The following SOX6 variants were observed in gnomAD, a reference collection of about 807,000 sequenced individuals.
The protein encoded by SOX6 is SRY-box transcription factor 6.
Under a neutral mutation model 97.8 loss-of-function variants are expected in SOX6, and 11 were observed. The ratio of observed to expected loss-of-function variants is 0.11; its 90% CI spans 0.07 to 0.19. SOX6 has a LOEUF of 0.19. SOX6 is among the 10% of genes least tolerant of loss of function. The pLI, the probability that SOX6 is intolerant of heterozygous loss-of-function variation, is 1.00. For synonymous variants in SOX6, 360 were observed against 371.4 expected, an observed-to-expected ratio of 0.97 and a Z score of 0.35; for missense variants, 810 against 1,039.5, an observed-to-expected ratio of 0.78 and a Z score of 3.04.
chr11:16,615,037 A>T (rs1848454663), intron 3 of SOX6, among the ~76,000 whole-genome samples: 1 of 152,220 alleles, frequency 6.6e-6, no homozygotes, highest in Admixed American at 6.5e-5. Context: ...AAGAAGCAAC[A>T]GGCCCCCAAG....
At chr11:16,229,619 A>G (rs549809411) in intron 4 of SOX6, among the ~76,000 whole-genome samples, 6 of 152,064 alleles carry the variant, frequency 3.9e-5, no homozygotes, top group Admixed American at 2.0e-4. Flanking sequence ...AAGAACTAAA[A>G]ATAAAATATG....
chr11:16,082,587 G>C (rs1435763434), intron 9 of SOX6, among the ~76,000 whole-genome samples: 1 of 152,042 alleles, frequency 6.6e-6, no homozygotes, highest in East Asian at 1.9e-4. Context: ...AAACAGTTTT[G>C]TTTATTCAGC....
chr11:16,591,218 A>C (rs1404093040), intron 4 of SOX6, among the ~76,000 whole-genome samples: 1 of 152,094 alleles, frequency 6.6e-6, no homozygotes, highest in Non-Finnish European at 1.5e-5. Context: ...TCCAAACCTG[A>C]GAATAAAACT....
intron 3 of SOX6, among the ~76,000 whole-genome samples, chr11:16,677,888 G>A (rs1181762868): frequency 6.6e-6 from 1 of 152,116 alleles, no homozygotes. Context: ...TGAATATATA[G>A]ATACTAAGGT....
chr11:16,497,969 C>A (rs1448660991), intron 4 of SOX6, among the ~76,000 whole-genome samples: 2 of 152,070 alleles, frequency 1.3e-5, no homozygotes, highest in Non-Finnish European at 2.9e-5. Context: ...ACAGAGAATG[C>A]CACAAAGATA....
At chr11:16,358,778 T>C (rs920848384), upstream of SOX6, among the ~76,000 whole-genome samples, 2 of 152,174 alleles carry the variant, frequency 1.3e-5, no homozygotes, top group African/African-American at 4.8e-5. Flanking sequence ...TCTTTATCTG[T>C]AAAATGAGGT....
At chr11:16,308,396 C>T (rs944979547) in intron 3 of SOX6, among the ~76,000 whole-genome samples, 24 of 152,132 alleles carry the variant, frequency 1.6e-4, no homozygotes, top group Non-Finnish European at 7.3e-5. Context: ...CCAACATCCT[C>T]ATTTTATAAA....
At chr11:16,733,842 C>G (rs1007654324) in intron 2 of SOX6, among the ~76,000 whole-genome samples, 5 of 150,660 alleles carry the variant, frequency 3.3e-5, no homozygotes, top group Non-Finnish European at 7.4e-5. Flanking sequence ...CTGGATAATA[C>G]GGTGAAACCC....
Position 16,234,577 on chromosome 11 carries a change from T to C in SOX6, c.535+5A>G. On this transcript the variant is annotated splice_donor_5th_base_variant and intron_variant, in intron 4 of 15. Coordinates refer to ENST00000683767, the MANE Select transcript of SOX6 (RefSeq NM_001367873.1). ...TTGACATGTTCGATATATTTTATGT[T>C]GTACCTTTAATTTCTCCAAGAAGTT... The C allele has an allele frequency of 6.6e-7, 1 of 1,517,878 alleles. No individual in the cohort carries two copies. The highest frequency in any genetic ancestry group is 9.1e-7 in the Non-Finnish European group (1 of 1,096,800). The allele number at this position is 1,517,878 out of a possible 1,614,324, so 94.0% of individuals were successfully genotyped here.
At chr11:16,132,705 T>G (rs972244786) in intron 6 of SOX6, among the ~76,000 whole-genome samples, 5 of 151,948 alleles carry the variant, frequency 3.3e-5, no homozygotes, top group Non-Finnish European at 5.9e-5. Context: ...TTTTTTTTTT[T>G]TTTTTGTTCC....
intron 3 of SOX6, among the ~76,000 whole-genome samples, chr11:16,653,843 A>G (rs1177222296): frequency 2.0e-5 from 3 of 152,066 alleles, no homozygotes; most frequent in Admixed American, 6.6e-5. Context: ...TCTTAGCCAA[A>G]AGACCAAGAA....
intron 4 of SOX6, among the ~76,000 whole-genome samples, chr11:16,225,793 A>G (rs1852672014): frequency 6.6e-6 from 1 of 152,214 alleles, no homozygotes; most frequent in African/African-American, 2.4e-5. Context: ...CCGAAGATTT[A>G]TGCTTGCAAT....
At chr11:16,177,551 G>C (rs1378234821) in intron 6 of SOX6, among the ~76,000 whole-genome samples, 2 of 150,582 alleles carry the variant, frequency 1.3e-5, no homozygotes, top group Admixed American at 1.3e-4. Flanking sequence ...ACCATGTAAA[G>C]GAAAACATTA....
chr11:16,069,288 C>A (rs1389296522), intron 9 of SOX6, among the ~76,000 whole-genome samples: 3 of 152,128 alleles, frequency 2.0e-5, no homozygotes, highest in Admixed American at 2.0e-4. Context: ...ATAAAAATAT[C>A]AGCTTGGTGA....
At chr11:16,738,277 G>A (rs1848409857) in intron 1 of SOX6, 2 of 157,636 alleles carry the variant, frequency 1.3e-5, no homozygotes. Flanking sequence ...GGGTATTCGT[G>A]AGGATTCAGT....
At chr11:16,498,416 C>T (rs926661738) in intron 4 of SOX6, among the ~76,000 whole-genome samples, 3 of 151,986 alleles carry the variant, frequency 2.0e-5, no homozygotes, top group Non-Finnish European at 4.4e-5. Flanking sequence ...AGCAAAATAA[C>T]CAGCTAACAT....
chr11:16,327,103 G>C (rs1169934198), intron 2 of SOX6, among the ~76,000 whole-genome samples: 6 of 152,106 alleles, frequency 3.9e-5, no homozygotes, highest in African/African-American at 1.2e-4. Context: ...AACTTAGCCT[G>C]GGAAATCACG....
At chr11:16,379,388 C>T (rs191891046) in intron 1 of SOX6, among the ~76,000 whole-genome samples, 69 of 152,098 alleles carry the variant, frequency 4.5e-4, no homozygotes, top group African/African-American at 1.6e-3. Context: ...ATCGATTGAA[C>T]CCGGGAGGCA....
intron 1 of SOX6, chr11:16,382,268 C>T (rs1857845390): frequency 6.6e-6 from 1 of 151,898 alleles, no homozygotes; most frequent in Non-Finnish European, 1.5e-5. Context: ...AAAGAACAGC[C>T]TAAATGTTTA....
Sources: allele counts gnomAD v4.1 joint callset (sites outside exome capture counted in the v4.1 genomes callset), GRCh38; gene constraint gnomAD v4.1.1; transcripts MANE v1.5; gene names NCBI Gene and HGNC (gene_info 2026-07-23, HGNC 2026-07-21).